Variants in TDRD7 observed in about 807,000 individuals in gnomAD.
The protein encoded by TDRD7 is tudor domain containing 7.
In TDRD7, 47 loss-of-function variants were observed where a neutral mutation model predicts 109.8. The ratio of observed to expected loss-of-function variants is 0.43; its 90% CI spans 0.34 to 0.55. TDRD7 has a LOEUF of 0.55. Among genes scored for constraint, TDRD7 ranks in the 20% least tolerant of loss-of-function variants. TDRD7 has a pLI of 0.03. For synonymous variants in TDRD7, 424 were observed against 457.3 expected, an observed-to-expected ratio of 0.93 and a Z score of 0.93; for missense variants, 1,164 against 1,319.2, an observed-to-expected ratio of 0.88 and a Z score of 1.82.
At chr9:97,419,767 T>C (rs1010225774) in intron 1 of TDRD7, among the ~76,000 whole-genome samples, 4 of 152,194 alleles carry the variant, frequency 2.6e-5, no homozygotes, top group Non-Finnish European at 5.9e-5. Context: ...CTTTCTTTCC[T>C]GTCTTGTCTC....
At chr9:97,458,408 G>T (rs997017411) in intron 6 of TDRD7, among the ~76,000 whole-genome samples, 1 of 152,166 alleles carries the variant, frequency 6.6e-6, no homozygotes, top group Non-Finnish European at 1.5e-5. Flanking sequence ...AAAGCACAGC[G>T]AAGATTGGCA....
chr9:97,475,033 A>G (rs1038087154), intron 11 of TDRD7, among the ~76,000 whole-genome samples: 1 of 152,098 alleles, frequency 6.6e-6, no homozygotes, highest in East Asian at 1.9e-4. Context: ...AGCTCTCGCA[A>G]CCTCCTCACT....
chr9:97,465,313 G>A (rs1281242409), intron 8 of TDRD7, among the ~76,000 whole-genome samples: 1 of 152,166 alleles, frequency 6.6e-6, no homozygotes, highest in African/African-American at 2.4e-5. Flanking sequence ...ATTCCTAGGG[G>A]ATGTATAATG....
At chr9:97,429,398 A>G (rs1447238585) in intron 2 of TDRD7, among the ~76,000 whole-genome samples, 3 of 152,100 alleles carry the variant, frequency 2.0e-5, no homozygotes, top group African/African-American at 7.2e-5. Context: ...AAAAACACCC[A>G]CACCCCCTCA....
chr9:97,430,787 A>G, intron 2 of TDRD7, 146 bp from the exon 3 acceptor site: 2 of 919,540 alleles, frequency 2.2e-6, no homozygotes, highest in Non-Finnish European at 3.5e-6. Context: ...TTCTTCTAGC[A>G]TTATCAAGGA....
At chr9:97,493,406 A>G (rs1267419668) in intron 16 of TDRD7, among the ~76,000 whole-genome samples, 1 of 152,028 alleles carries the variant, frequency 6.6e-6, no homozygotes, top group Non-Finnish European at 1.5e-5. Context: ...TCTATTAGTG[A>G]TTTTCAAAAG....
Position 97,482,960 on chromosome 9 carries a change from T to A in TDRD7, c.2524T>A (p.Trp842Arg). Residue 842 changes from tryptophan to arginine, a missense_variant, in exon 15 of 17, where the codon TGG becomes AGG. By Grantham distance (101) the Trp-to-Arg change is moderately radical. Coordinates refer to ENST00000355295, the MANE Select transcript of TDRD7 (RefSeq NM_014290.3). ...TCGCCAGATTACAAATGCAGACTTG[T>A]GGAAGCATCAGAAGGATGTGTTTTT... ...INRQITNADLWKHQKDVFLSA... is the reference protein window; with the variant it reads ...INRQITNADLRKHQKDVFLSA... 1 of 1,614,206 alleles carries A rather than the reference T, an allele frequency of 6.2e-7. No homozygotes were observed. Among genetic ancestry groups the A allele is most frequent in the South Asian group, 1.1e-5 (1 of 91,090 alleles).
chr9:97,425,475 A>G (rs1303770306), intron 1 of TDRD7, among the ~76,000 whole-genome samples: 1 of 152,200 alleles, frequency 6.6e-6, no homozygotes, highest in Non-Finnish European at 1.5e-5. Context: ...AATAGGTTAT[A>G]CCATATAGCC....
At chr9:97,464,581 C>A (rs1346458836) in intron 7 of TDRD7, among the ~76,000 whole-genome samples, 1 of 152,130 alleles carries the variant, frequency 6.6e-6, no homozygotes, top group East Asian at 1.9e-4. Context: ...TGGTCTCAAA[C>A]TCCTGACCTT....
chr9:97,495,145 C>G (rs922970348), intron 16 of TDRD7, among the ~76,000 whole-genome samples: 1 of 152,094 alleles, frequency 6.6e-6, no homozygotes, highest in Non-Finnish European at 1.5e-5. Context: ...CCACACCACC[C>G]GATAGAGGAA....
intron 6 of TDRD7, among the ~76,000 whole-genome samples, chr9:97,451,752 C>T (rs533686861): frequency 5.6e-4 from 85 of 152,344 alleles, no homozygotes; most frequent in African/African-American, 2.0e-3. Context: ...AGGAGACAGT[C>T]TTGTGGGACT....
chr9:97,443,274 G>A (rs1828344139), intron 6 of TDRD7, among the ~76,000 whole-genome samples: 2 of 152,192 alleles, frequency 1.3e-5, no homozygotes, highest in Admixed American at 1.3e-4. Context: ...GACACTTGGA[G>A]TGTAGTGAGG....
intron 11 of TDRD7, among the ~76,000 whole-genome samples, chr9:97,473,947 A>G (rs1828965885): frequency 6.6e-6 from 1 of 152,240 alleles, no homozygotes; most frequent in Admixed American, 6.5e-5. Context: ...TGATGATGCC[A>G]CAGTGCAGCT....
intron 3 of TDRD7, 40 bp downstream of exon 3, chr9:97,431,114 A>G: frequency 1.2e-6 from 2 of 1,611,798 alleles, no homozygotes; most frequent in South Asian, 2.2e-5. Context: ...AGGGCTGTCT[A>G]CGAATACATT....
intron 4 of TDRD7, among the ~76,000 whole-genome samples, chr9:97,436,584 T>C (rs571651358): frequency 1.2e-4 from 19 of 152,314 alleles, no homozygotes; most frequent in Admixed American, 1.2e-3. Flanking sequence ...CTTATAGCTA[T>C]CGATCTTTTA....
chr9:97,427,598 T>G (rs1193176190), intron 1 of TDRD7, among the ~76,000 whole-genome samples: 1 of 152,228 alleles, frequency 6.6e-6, no homozygotes, highest in Non-Finnish European at 1.5e-5. Flanking sequence ...CCAAAATGAA[T>G]TGGCCTCTTC....
At chr9:97,441,194 A>G (rs1223991740) in intron 5 of TDRD7, among the ~76,000 whole-genome samples, 1 of 152,160 alleles carries the variant, frequency 6.6e-6, no homozygotes, top group Non-Finnish European at 1.5e-5. Flanking sequence ...GCAATTTTTT[A>G]TCTTCTACAA....
intron 1 of TDRD7, among the ~76,000 whole-genome samples, chr9:97,421,798 T>A (rs1827905255): frequency 6.6e-6 from 1 of 151,376 alleles, no homozygotes; most frequent in Non-Finnish European, 1.5e-5. Flanking sequence ...TGAGCTCAGG[T>A]GACCCATGTG....
chr9:97,424,427 T>G (rs1018374450), intron 1 of TDRD7, among the ~76,000 whole-genome samples: 3 of 152,216 alleles, frequency 2.0e-5, no homozygotes, highest in African/African-American at 7.2e-5. Flanking sequence ...AAAGGAGTTT[T>G]GAAGTGTCCA....
Sources: gnomAD v4.1 joint callset for allele counts (sites outside exome capture counted in the v4.1 genomes callset) on GRCh38, gnomAD v4.1.1 for gene constraint, MANE v1.5 for transcripts, NCBI Gene and HGNC (gene_info 2026-07-23, HGNC 2026-07-21) for gene names.